Variants in N4BP2L2 observed in about 807,000 individuals in gnomAD.
N4BP2L2 encodes the protein NEDD4 binding protein 2 like 2, also known as NEDD4-binding protein 2-like 2.
A neutral mutation model predicts 56.2 loss-of-function variants in N4BP2L2; 50 were observed. The ratio of observed to expected loss-of-function variants is 0.89; its 90% CI spans 0.71 to 1.13. The LOEUF (loss-of-function observed/expected upper bound fraction) is 1.13, where lower values mean the gene tolerates loss of function less well. Ranked by LOEUF, N4BP2L2 falls within the 50% of genes most tolerant of loss-of-function variation. N4BP2L2 has a pLI of 0.00. For synonymous variants in N4BP2L2, 203 were observed against 223.6 expected, an observed-to-expected ratio of 0.91 and a Z score of 0.82; for missense variants, 689 against 693.8, an observed-to-expected ratio of 0.99 and a Z score of 0.08.
intron 6 of N4BP2L2, chr13:32,477,206 G>C: frequency 2.2e-6 from 1 of 445,514 alleles, no homozygotes; most frequent in South Asian, 2.3e-5. Context: ...AGGTGGAGGA[G>C]AGGATGCCCT....
chr13:32,478,609 G>C (rs977824185), intron 6 of N4BP2L2: 1 of 152,926 alleles, frequency 6.5e-6, no homozygotes, highest in African/African-American at 2.4e-5. Flanking sequence ...GGACGGCTCT[G>C]GCTCTACTGC....
chr13:32,436,734 G>A (rs1402670193), intron 8 of N4BP2L2, among the ~76,000 whole-genome samples: 2 of 130,906 alleles, frequency 1.5e-5, no homozygotes, highest in African/African-American at 2.8e-5. Context: ...AAGTTGTAGC[G>A]AGCTGAGATC....
At chr13:32,466,567 A>G (rs1164894535) in intron 6 of N4BP2L2, among the ~76,000 whole-genome samples, 1 of 152,096 alleles carries the variant, frequency 6.6e-6, no homozygotes. Flanking sequence ...AAAAGAACCT[A>G]GTAACAGAAT....
chr13:32,496,991 G>A (rs1419764619), intron 6 of N4BP2L2, among the ~76,000 whole-genome samples: 4 of 152,212 alleles, frequency 2.6e-5, no homozygotes, highest in Non-Finnish European at 4.4e-5. Flanking sequence ...ATTACAGTAG[G>A]TAGGGTTAGG....
At chr13:32,492,803 A>G (rs547775478) in intron 6 of N4BP2L2, among the ~76,000 whole-genome samples, 4 of 152,322 alleles carry the variant, frequency 2.6e-5, no homozygotes, top group Admixed American at 6.5e-5. Context: ...CATGGTATCA[A>G]AAGTACAAAT....
chr13:32,513,074 CT>C (rs1314735054), exon 6 of N4BP2L2: 2 of 151,942 alleles, frequency 1.3e-5, no homozygotes, highest in African/African-American at 2.4e-5. Context: ...TTCCAAATTA[CT>C]GCTTACATAC....
intron 6 of N4BP2L2, among the ~76,000 whole-genome samples, chr13:32,456,373 G>A (rs1289171870): frequency 1.3e-5 from 2 of 152,186 alleles, no homozygotes; most frequent in Non-Finnish European, 2.9e-5. Context: ...ACATCCTTAG[G>A]AAGAAGTCTT....
chr13:32,454,633 T>A (rs1322673220), intron 6 of N4BP2L2, among the ~76,000 whole-genome samples: 1 of 151,890 alleles, frequency 6.6e-6, no homozygotes, highest in Non-Finnish European at 1.5e-5. Context: ...AAAGAAACAA[T>A]GGATAAAGAA....
exon 2 of N4BP2L2, chr13:32,536,789 C>T: frequency 6.2e-7 from 1 of 1,614,094 alleles, no homozygotes; most frequent in Non-Finnish European, 8.5e-7. Flanking sequence ...ATGCAAAGGT[C>T]TATGCAAATC....
At chr13:32,501,515 T>C (rs1365669055) in intron 6 of N4BP2L2, among the ~76,000 whole-genome samples, 1 of 151,380 alleles carries the variant, frequency 6.6e-6, no homozygotes, top group Non-Finnish European at 1.5e-5. Context: ...AATTTGCCAG[T>C]AAAAAAATGA....
At chr13:32,525,125 G>A (rs1292619871) in intron 3 of N4BP2L2, 1 of 152,056 alleles carries the variant, frequency 6.6e-6, no homozygotes, top group African/African-American at 2.4e-5. Flanking sequence ...TTCACCAAAG[G>A]TATACTGGCT....
Position 32,516,989 on chromosome 13 carries a change from A to T in N4BP2L2, c.*813T>A, listed in dbSNP as rs147382549. 4.1e-6 allele frequency: 4 copies of T among 972,362 alleles called. No individual in the cohort carries two copies. The African/African-American group carries it at 7.0e-5, about 17-fold the overall frequency. The allele number at this position is 972,362 out of a possible 1,614,324, so 60.2% of individuals were successfully genotyped here. A position where few individuals can be genotyped will look rare whatever the true frequency, so the allele number is the denominator to read the frequency against. ...TTTGCTCTACAGAAAAATTAGTACT[A>T]GAAGATATTCTATAGTACAAATCCT... On this transcript the variant is annotated 3_prime_UTR_variant, in exon 6 of 6. Transcript: ENST00000267068.
intron 6 of N4BP2L2, among the ~76,000 whole-genome samples, chr13:32,470,085 C>T (rs1002095562): frequency 2.0e-5 from 3 of 152,132 alleles, no homozygotes; most frequent in Non-Finnish European, 2.9e-5. Flanking sequence ...TGCCATCAGC[C>T]GCTTGGCTCT....
Position 32,527,505 on chromosome 13 carries a change from G to A in N4BP2L2, c.1287C>T (p.Gly429=), listed in dbSNP as rs779904605. Residue 429 remains glycine (G), a synonymous_variant, in exon 3 of 6, where the codon GGC becomes GGT. Transcript: ENST00000267068. The stretch of plus-strand genomic sequence containing the variant: ...AATAGTCATCAGTGCTGAACACAAT[G>A]CCATCACGATTCTGACCAAGCAGAA... 2.5e-6 allele frequency: 4 copies of A among 1,613,038 alleles called. No homozygotes were observed. In the South Asian group the frequency reaches 4.4e-5, roughly 18 times the overall value.
chr13:32,447,767 A>T (rs1030348062), intron 6 of N4BP2L2, among the ~76,000 whole-genome samples: 1 of 151,472 alleles, frequency 6.6e-6, no homozygotes, highest in Non-Finnish European at 1.5e-5. Context: ...TGCTTCAGAA[A>T]AGGATAATAA....
chr13:32,536,612 C>T (rs745617595), exon 2 of N4BP2L2: 6 of 1,613,394 alleles, frequency 3.7e-6, no homozygotes, highest in Non-Finnish European at 5.1e-6. Context: ...CTCATTCCTC[C>T]CTTCATTACG....
intron 6 of N4BP2L2, among the ~76,000 whole-genome samples, chr13:32,498,450 G>A (rs1051347882): frequency 6.6e-6 from 1 of 152,076 alleles, no homozygotes; most frequent in Admixed American, 6.6e-5. Context: ...GGGTTCAAAT[G>A]ATTCTCGTGC....
intron 6 of N4BP2L2, among the ~76,000 whole-genome samples, chr13:32,460,214 A>C (rs1438511863): frequency 1.3e-5 from 2 of 152,256 alleles, no homozygotes; most frequent in Non-Finnish European, 2.9e-5. Flanking sequence ...AATGGGGAAA[A>C]GCTGAAAGCC....
chr13:32,495,685 C>A (rs1446835605), intron 6 of N4BP2L2, among the ~76,000 whole-genome samples: 1 of 151,986 alleles, frequency 6.6e-6, no homozygotes, highest in Non-Finnish European at 1.5e-5. Context: ...CAAATGCCCG[C>A]TGCCTCTTTT....
Sources: allele counts gnomAD v4.1 joint callset (sites outside exome capture counted in the v4.1 genomes callset), GRCh38; gene constraint gnomAD v4.1.1; transcripts MANE v1.5; gene names NCBI Gene and HGNC (gene_info 2026-07-23, HGNC 2026-07-21).